PLEKHM3: variants seen among roughly 807,000 people sequenced by gnomAD.
PLEKHM3 encodes the protein pleckstrin homology domain containing M3.
Under a neutral mutation model 81.8 loss-of-function variants are expected in PLEKHM3, and 45 were observed. The observed-to-expected ratio is 0.55, with a 90% CI of 0.43 to 0.71. PLEKHM3 has a LOEUF of 0.71. PLEKHM3 is among the 30% of genes least tolerant of loss of function. PLEKHM3 has a pLI of 0.00. For synonymous variants in PLEKHM3, 352 were observed against 356.4 expected (o/e 0.99, Z 0.14); for missense variants, 788 against 924.3 (o/e 0.85, Z 1.91).
intron 1 of PLEKHM3, among the ~76,000 whole-genome samples, chr2:208,017,852 T>G (rs566793515): frequency 6.6e-6 from 1 of 152,324 alleles, no homozygotes; most frequent in African/African-American, 2.4e-5. Context: ...GAACACCCAC[T>G]CTTTCCACTG....
chr2:207,865,033 C>T (rs1574348527), intron 6 of PLEKHM3, among the ~76,000 whole-genome samples: 1 of 152,124 alleles, frequency 6.6e-6, no homozygotes, highest in Non-Finnish European at 1.5e-5. Flanking sequence ...TCCATTGATG[C>T]TAATTACTTC....
At chr2:207,894,101 G>C (rs902087253) in intron 6 of PLEKHM3, among the ~76,000 whole-genome samples, 1 of 152,192 alleles carries the variant, frequency 6.6e-6, no homozygotes, top group Admixed American at 6.5e-5. Context: ...GGGTGACAGA[G>C]AGAGTCCTGG....
At chr2:207,923,880 C>CACACACACACATATATATAT (rs1319162543) in intron 5 of PLEKHM3, among the ~76,000 whole-genome samples, 1 of 56,790 alleles carries the variant, frequency 1.8e-5, no homozygotes, top group African/African-American at 7.1e-5. Flanking sequence ...CACACACACA[C>CACACACACACATATATATAT]ATATATATAT....
At chr2:207,891,529 A>G (rs115125290) in intron 6 of PLEKHM3, among the ~76,000 whole-genome samples, 1,943 of 152,318 alleles carry the variant, frequency 0.013, 21 homozygotes, top group Middle Eastern at 0.031. Context: ...CACAACTATT[A>G]TGCTAAACTG....
At chr2:207,968,392 G>T (rs1013435091) in intron 3 of PLEKHM3, among the ~76,000 whole-genome samples, 4 of 152,084 alleles carry the variant, frequency 2.6e-5, no homozygotes, top group Non-Finnish European at 4.4e-5. Flanking sequence ...GGTTGGGGGT[G>T]GGGGGCCACT....
intron 4 of PLEKHM3, among the ~76,000 whole-genome samples, chr2:207,932,015 T>TA (rs1161388922): frequency 6.6e-6 from 1 of 152,154 alleles, no homozygotes; most frequent in African/African-American, 2.4e-5. Flanking sequence ...ATGTACATAT[T>TA]ACAACATTCA....
At chr2:207,873,213 AGGCTT>A (rs1052659917) in intron 6 of PLEKHM3, among the ~76,000 whole-genome samples, 4 of 152,278 alleles carry the variant, frequency 2.6e-5, no homozygotes, top group African/African-American at 9.6e-5. Context: ...TAGAGAACAC[AGGCTT>A]ATAAAGAGGG....
intron 5 of PLEKHM3, among the ~76,000 whole-genome samples, chr2:207,913,456 G>C (rs1688875549): frequency 6.6e-6 from 1 of 152,130 alleles, no homozygotes; most frequent in Non-Finnish European, 1.5e-5. Flanking sequence ...GCCAAGGAAG[G>C]AGAGAATTTC....
At chr2:207,840,779 A>G (rs1310134513) in intron 7 of PLEKHM3, among the ~76,000 whole-genome samples, 2 of 150,088 alleles carry the variant, frequency 1.3e-5, no homozygotes, top group Admixed American at 6.6e-5. Context: ...ATAGAATTTT[A>G]AGCATTTAAC....
intron 2 of PLEKHM3, among the ~76,000 whole-genome samples, chr2:208,000,268 C>G (rs189896049): frequency 6.6e-6 from 1 of 152,160 alleles, no homozygotes; most frequent in South Asian, 2.1e-4. Context: ...CTCTTCTGCA[C>G]GCCCTTCTCC....
intron 4 of PLEKHM3, among the ~76,000 whole-genome samples, chr2:207,939,330 G>C (rs1384893641): frequency 1.3e-5 from 2 of 152,178 alleles, no homozygotes; most frequent in East Asian, 3.8e-4. Context: ...GAGGAAAAGA[G>C]GTTTTAAGCT....
intron 5 of PLEKHM3, among the ~76,000 whole-genome samples, chr2:207,927,690 C>T (rs992322844): frequency 1.9e-4 from 28 of 144,170 alleles, no homozygotes; most frequent in South Asian, 8.9e-4. Context: ...ATTAGCCAGG[C>T]GTGGTGGCAC....
intron 2 of PLEKHM3, among the ~76,000 whole-genome samples, chr2:208,000,545 A>C (rs1692261490): frequency 6.6e-6 from 1 of 152,074 alleles, no homozygotes. Context: ...TACCTTCTTG[A>C]GTCTTTGCTG....
intron 3 of PLEKHM3, among the ~76,000 whole-genome samples, chr2:207,961,920 T>C (rs560667882): frequency 1.3e-5 from 2 of 152,336 alleles, no homozygotes; most frequent in African/African-American, 4.8e-5. Context: ...TTCATCCTCC[T>C]TTCATCCAGG....
At chr2:207,860,639 G>A (rs1040392814) in intron 7 of PLEKHM3, among the ~76,000 whole-genome samples, 2 of 151,998 alleles carry the variant, frequency 1.3e-5, no homozygotes, top group Admixed American at 6.6e-5. Flanking sequence ...AACTTTCATC[G>A]CTCCACTGCA....
chr2:207,976,936 A>G lies in PLEKHM3; in HGVS notation c.1261T>C (p.Cys421Arg). 2 of 1,614,242 alleles carry G rather than the reference A, an allele frequency of 1.2e-6. No homozygotes were observed. Among genetic ancestry groups the G allele is most frequent in the South Asian group, 2.2e-5 (2 of 91,082 alleles). Residue 421 changes from cysteine (C) to arginine (R), a missense_variant, in exon 3 of 8, where the codon TGC becomes CGC. Transcript: ENST00000427836. The surrounding 1 kb of genome is among the most constrained non-coding windows in gnomAD (Gnocchi z 4.1). ...LAVQMDNLDG[C>R]DSCFQVIFPQ... ...AAAATGACTTGAAAGCAAGAGTCGC[A>G]GCCATCCAGGTTGTCCATCTGGACA...
chr2:207,983,942 C>T (rs1416861605), intron 2 of PLEKHM3, among the ~76,000 whole-genome samples: 1 of 152,178 alleles, frequency 6.6e-6, no homozygotes, highest in Non-Finnish European at 1.5e-5. Flanking sequence ...GCTAAACTCT[C>T]TGGGTATCTC....
At chr2:208,014,156 C>T (rs564049306) in intron 1 of PLEKHM3, among the ~76,000 whole-genome samples, 47 of 152,268 alleles carry the variant, frequency 3.1e-4, no homozygotes, top group Admixed American at 1.6e-3. Flanking sequence ...AGCCTCTTAA[C>T]CAATTTAGTC....
chr2:207,860,149 C>G (rs914876190), intron 7 of PLEKHM3, among the ~76,000 whole-genome samples: 20 of 63,836 alleles, frequency 3.1e-4, no homozygotes, highest in African/African-American at 1.3e-3. Context: ...TGAACTCTGC[C>G]TCTGTGTGTG....
Sources: gnomAD v4.1 joint callset for allele counts (sites outside exome capture counted in the v4.1 genomes callset) on GRCh38, gnomAD v4.1.1 for gene constraint, Gnocchi (gnomAD v3.1) non-coding constraint, MANE v1.5 for transcripts, NCBI Gene and HGNC (gene_info 2026-07-23, HGNC 2026-07-21) for gene names.